The following HHAT variants were observed in gnomAD, a reference collection of about 807,000 sequenced individuals.
The protein encoded by HHAT is hedgehog acyltransferase, also known as protein-cysteine N-palmitoyltransferase HHAT.
Under a neutral mutation model 70.8 loss-of-function variants are expected in HHAT, and 47 were observed. That is an observed-to-expected ratio of 0.66 (90% CI 0.53 to 0.85). HHAT has a LOEUF of 0.85. Among genes scored for constraint, HHAT ranks in the 40% least tolerant of loss-of-function variants. The pLI, the probability that HHAT is intolerant of heterozygous loss-of-function variation, is 0.00. For synonymous variants in HHAT, 228 were observed against 247.6 expected (o/e 0.92, Z 0.74); for missense variants, 609 against 604.8 (o/e 1.01, Z -0.07).
At chr1:210,673,933 AT>A (rs1680674579) in intron 11 of HHAT, among the ~76,000 whole-genome samples, 1 of 146,330 alleles carries the variant, frequency 6.8e-6, no homozygotes, top group Non-Finnish European at 1.5e-5. Flanking sequence ...CTAAACATGG[AT>A]TCGTTAAAAG....
intron 10 of HHAT, among the ~76,000 whole-genome samples, chr1:210,615,435 A>G (rs888716972): frequency 1.3e-5 from 2 of 152,080 alleles, no homozygotes; most frequent in African/African-American, 4.8e-5. Flanking sequence ...TCTTCTCTCA[A>G]CTCATCAAAT....
chr1:210,628,808 A>C (rs758785956), intron 11 of HHAT, among the ~76,000 whole-genome samples: 1 of 152,222 alleles, frequency 6.6e-6, no homozygotes, highest in Non-Finnish European at 1.5e-5. Context: ...GGAGTATTGC[A>C]CTAGAGATTC....
intron 7 of HHAT, among the ~76,000 whole-genome samples, chr1:210,421,151 G>C (rs1181892200): frequency 1.3e-5 from 2 of 151,918 alleles, no homozygotes; most frequent in African/African-American, 4.8e-5. Flanking sequence ...AATTTGTGTG[G>C]AACCACAAAA....
chr1:210,485,531 A>T (rs1253917922), intron 8 of HHAT, among the ~76,000 whole-genome samples: 1 of 152,074 alleles, frequency 6.6e-6, no homozygotes, highest in Non-Finnish European at 1.5e-5. Flanking sequence ...TCTCTATATC[A>T]GTCAATTTTC....
chr1:210,423,262 T>A (rs1439498531), intron 7 of HHAT, among the ~76,000 whole-genome samples: 1 of 152,206 alleles, frequency 6.6e-6, no homozygotes, highest in Non-Finnish European at 1.5e-5. Context: ...ATAATAGTCA[T>A]CCTAACTCTG....
At chr1:210,340,638 C>T (rs748549482) in intron 1 of HHAT, among the ~76,000 whole-genome samples, 17 of 152,124 alleles carry the variant, frequency 1.1e-4, no homozygotes, top group Non-Finnish European at 2.1e-4. Context: ...TTGCCTTTTT[C>T]AGTAAATCTT....
At chr1:210,401,804 C>G (rs1175527996) in intron 5 of HHAT, among the ~76,000 whole-genome samples, 2 of 152,158 alleles carry the variant, frequency 1.3e-5, no homozygotes, top group African/African-American at 4.8e-5. Flanking sequence ...GCGATTGCAC[C>G]TATCAGCAAA....
At chr1:210,621,347 G>C (rs1216846640) in intron 10 of HHAT, among the ~76,000 whole-genome samples, 1 of 152,152 alleles carries the variant, frequency 6.6e-6, no homozygotes, top group Non-Finnish European at 1.5e-5. Context: ...AAGTGGTGGA[G>C]TGTCAGACTC....
In HHAT at chr1:210,464,626, C is replaced by T. The variant is rs1038447752; in HGVS notation, c.978C>T (p.Ser326=). ...CACCCGCCCTCCCCCGCTGCGTGAG[C>T]ACCATGTTCAGTTTCACCGGGATGT... ...LTPPALPRCV[S]TMFSFTGMWR... Residue 326 remains serine (S), a synonymous_variant, in exon 8 of 12, where the codon AGC becomes AGT. Transcript: ENST00000261458. The T allele has an allele frequency of 3.1e-6, 5 of 1,614,074 alleles. No homozygotes were observed. In the East Asian group the frequency reaches 1.1e-4, roughly 36 times the overall value.
At chr1:210,478,103 C>A (rs1468251436) in intron 8 of HHAT, among the ~76,000 whole-genome samples, 1 of 152,244 alleles carries the variant, frequency 6.6e-6, no homozygotes, top group African/African-American at 2.4e-5. Flanking sequence ...CAAGTGAGTT[C>A]CTACTACAGA....
chr1:210,569,390 A>AAAAAAAAAAAAAAAAAAAAAAAAAAAC (rs1655646247), intron 9 of HHAT, among the ~76,000 whole-genome samples: 1 of 148,142 alleles, frequency 6.8e-6, no homozygotes, highest in African/African-American at 2.5e-5. Flanking sequence ...AAAAAAAAAA[A>AAAAAAAAAAAAAAAAAAAAAAAAAAAC]AAAAAAAAAG....
intron 3 of HHAT, among the ~76,000 whole-genome samples, chr1:210,386,110 G>A (rs1317734555): frequency 1.3e-5 from 2 of 151,510 alleles, no homozygotes; most frequent in Non-Finnish European, 2.9e-5. Flanking sequence ...ACAATCTTAG[G>A]TACACCAAAA....
At chr1:210,377,886 C>T (rs766942179) in intron 3 of HHAT, among the ~76,000 whole-genome samples, 10 of 152,180 alleles carry the variant, frequency 6.6e-5, no homozygotes, top group Non-Finnish European at 1.3e-4. Context: ...AGCAACTTCA[C>T]CTATGCAGGA....
rs542711475 is a variant in HHAT at position 210,335,247 on chromosome 1, A to G, written c.-44+6143A>G. Among the ~76,000 whole-genome samples the G allele has an allele frequency of 2.0e-5, 3 of 152,162 alleles. No homozygotes were observed. The South Asian group carries it at 6.2e-4, about 32-fold the overall frequency. On this transcript the variant is annotated intron_variant, in intron 1 of 11. Transcript: ENST00000261458. Reference sequence around the variant, plus strand: ...TTGGCTAACACTACGAAAGTCAACAAATGCAATTTAACTCCATATATGAAG... The same window carrying G: ...TTGGCTAACACTACGAAAGTCAACAGATGCAATTTAACTCCATATATGAAG...
At chr1:210,527,282 C>T (rs1029144322) in intron 9 of HHAT, among the ~76,000 whole-genome samples, 3 of 152,036 alleles carry the variant, frequency 2.0e-5, no homozygotes, top group Admixed American at 2.0e-4. Flanking sequence ...TGTGTGGTCT[C>T]TCGTGGTTTT....
intron 1 of HHAT, among the ~76,000 whole-genome samples, chr1:210,339,222 T>G (rs1353990722): frequency 6.6e-6 from 1 of 152,214 alleles, no homozygotes; most frequent in African/African-American, 2.4e-5. Flanking sequence ...GAACATATTT[T>G]TTTTCCATTA....
chr1:210,632,489 T>G (rs972647179), intron 11 of HHAT, among the ~76,000 whole-genome samples: 1 of 152,168 alleles, frequency 6.6e-6, no homozygotes, highest in African/African-American at 2.4e-5. Context: ...GCCTGGCTGG[T>G]GCCATGTCAC....
intron 11 of HHAT, among the ~76,000 whole-genome samples, chr1:210,670,534 T>C (rs971352032): frequency 6.6e-6 from 1 of 152,174 alleles, no homozygotes; most frequent in Non-Finnish European, 1.5e-5. Flanking sequence ...CCTAACTGCA[T>C]TGGGATAAAT....
chr1:210,464,423 C>T (rs2094051326), intron 7 of HHAT, 82 bp from the exon 8 acceptor site: 3 of 1,409,476 alleles, frequency 2.1e-6, no homozygotes, highest in Admixed American at 1.7e-5. Context: ...GGGCAGTTGG[C>T]ATAGCTCCTG....
Sources: allele counts gnomAD v4.1 joint callset (sites outside exome capture counted in the v4.1 genomes callset), GRCh38; gene constraint gnomAD v4.1.1; transcripts MANE v1.5; gene names NCBI Gene and HGNC (gene_info 2026-07-23, HGNC 2026-07-21).